KIAA1755: variants seen among roughly 807,000 people sequenced by gnomAD.
The protein encoded by KIAA1755 is KIAA1755.
In KIAA1755, 68 loss-of-function variants were observed where a neutral mutation model predicts 91.7. The ratio of observed to expected loss-of-function variants is 0.74; its 90% CI spans 0.61 to 0.91. The LOEUF is 0.91. KIAA1755 is among the 40% of genes least tolerant of loss of function. KIAA1755 has a pLI of 0.00. For synonymous variants in KIAA1755, 610 were observed against 604.6 expected, an observed-to-expected ratio of 1.01 and a Z score of -0.13; for missense variants, 1,535 against 1,494.4, an observed-to-expected ratio of 1.03 and a Z score of -0.45.
intron 9 of KIAA1755, chr20:38,222,839 T>G: frequency 1.7e-6 from 1 of 589,316 alleles, no homozygotes; most frequent in East Asian, 2.9e-5. Flanking sequence ...TCTTCGCTGA[T>G]CTCCCTGCTG....
intron 7 of KIAA1755, among the ~76,000 whole-genome samples, 169 bp from the exon 8 acceptor site, chr20:38,225,950 A>G (rs2075750036): frequency 6.6e-6 from 1 of 152,228 alleles, no homozygotes; most frequent in Non-Finnish European, 1.5e-5. Context: ...AACTCTGACA[A>G]ATCAAAATTC....
intron 10 of KIAA1755, among the ~76,000 whole-genome samples, chr20:38,222,193 A>C (rs142765579): frequency 6.6e-6 from 1 of 152,354 alleles, no homozygotes; most frequent in East Asian, 1.9e-4. Context: ...GGTAGGCGAC[A>C]TCCTCTGATG....
At chr20:38,238,066 C>T (rs942761661) in intron 4 of KIAA1755, among the ~76,000 whole-genome samples, 3 of 152,070 alleles carry the variant, frequency 2.0e-5, no homozygotes, top group Non-Finnish European at 2.9e-5. Context: ...TATTCTCCTC[C>T]TCTCAAGGAG....
intron 4 of KIAA1755, among the ~76,000 whole-genome samples, chr20:38,234,849 C>A (rs946394027): frequency 6.6e-6 from 1 of 152,200 alleles, no homozygotes; most frequent in Non-Finnish European, 1.5e-5. Flanking sequence ...CAAGGAGACC[C>A]TTTTGCCCCA....
intron 11 of KIAA1755, 64 bp downstream of exon 11, chr20:38,219,566 G>A (rs931485585): frequency 8.2e-6 from 13 of 1,593,562 alleles, no homozygotes; most frequent in Admixed American, 3.4e-5. Context: ...GCCCAGAGTC[G>A]GGGCTTTCCT....
At chr20:38,252,246 T>G (rs1159945102) in intron 1 of KIAA1755, among the ~76,000 whole-genome samples, 1 of 152,160 alleles carries the variant, frequency 6.6e-6, no homozygotes, top group Non-Finnish European at 1.5e-5. Context: ...TTGCTATTCA[T>G]TCTTACTTAT....
At chr20:38,218,117 G>A in intron 12 of KIAA1755, 127 bp downstream of exon 12, 1 of 1,231,118 alleles carries the variant, frequency 8.1e-7, no homozygotes, top group South Asian at 1.4e-5. Flanking sequence ...ATCCAAGCTG[G>A]TTCCCTCACT....
chr20:38,253,564 A>C (rs1008892468), intron 1 of KIAA1755, among the ~76,000 whole-genome samples: 1 of 152,170 alleles, frequency 6.6e-6, no homozygotes, highest in Admixed American at 6.5e-5. Flanking sequence ...TTTTTAAAGA[A>C]AACAGTGTCA....
At chr20:38,218,537 G>T (rs1600568133) in intron 11 of KIAA1755, among the ~76,000 whole-genome samples, 171 bp from the exon 12 acceptor site, 1 of 152,248 alleles carries the variant, frequency 6.6e-6, no homozygotes, top group East Asian at 1.9e-4. Flanking sequence ...GGGAAGAAAT[G>T]ACTTGGGGAG....
rs369865377 is a variant in KIAA1755 at position 38,219,639 on chromosome 20, G to C, written c.2547C>G (p.Ala849=). 2 of 1,614,052 alleles carry C rather than the reference G, an allele frequency of 1.2e-6. No homozygotes were observed. The highest frequency in any genetic ancestry group is 2.7e-5 in the African/African-American group (2 of 75,052). ...LRVRLGRLEA[A]IHQVSDWMEQ... The stretch of plus-strand genomic sequence containing the variant: ...CAGACACCCCTTTCACCTGGTGAAT[G>C]GCAGCTTCCAGGCGGCCCAGGCGGA... The change falls in exon 11 of 14, where the codon GCC becomes GCG. Residue 849 remains alanine (A), a synonymous_variant. Coordinates refer to ENST00000279024, the MANE Select transcript of KIAA1755 (RefSeq NM_001029864.2).
intron 2 of KIAA1755, among the ~76,000 whole-genome samples, chr20:38,245,134 C>T (rs2076133526): frequency 6.6e-6 from 1 of 152,210 alleles, no homozygotes; most frequent in South Asian, 2.1e-4. Context: ...GTGATTGGTC[C>T]AGGAATGGGC....
chr20:38,231,568 G>T (rs1296692200), intron 4 of KIAA1755, among the ~76,000 whole-genome samples: 1 of 152,172 alleles, frequency 6.6e-6, no homozygotes, highest in Non-Finnish European at 1.5e-5. Flanking sequence ...TAAGATACGT[G>T]GGCAGGCAAA....
At chr20:38,221,590 G>A (rs2075660134) in intron 10 of KIAA1755, among the ~76,000 whole-genome samples, 1 of 152,016 alleles carries the variant, frequency 6.6e-6, no homozygotes, top group Non-Finnish European at 1.5e-5. Context: ...TGAGCCTCAG[G>A]TTCCTCCACT....
intron 4 of KIAA1755, among the ~76,000 whole-genome samples, chr20:38,238,535 A>T (rs2075998179): frequency 6.6e-6 from 1 of 152,156 alleles, no homozygotes; most frequent in African/African-American, 2.4e-5. Context: ...TCCTCCGGGA[A>T]GTCATCCTTG....
At chr20:38,231,365 G>C (rs201866950) in intron 4 of KIAA1755, 40 bp from the exon 5 acceptor site, 2 of 1,568,278 alleles carry the variant, frequency 1.3e-6, no homozygotes, top group East Asian at 2.3e-5. Flanking sequence ...GAGAACTTGT[G>C]GGGGGCCCTC....
At chr20:38,228,286 A>G in intron 5 of KIAA1755, 46 bp from the exon 6 acceptor site, 1 of 1,488,486 alleles carries the variant, frequency 6.7e-7, no homozygotes. Context: ...ATGGCCTCGG[A>G]CAGGGGGCAG....
intron 4 of KIAA1755, among the ~76,000 whole-genome samples, chr20:38,239,059 G>A (rs1234971254): frequency 6.6e-6 from 1 of 152,188 alleles, no homozygotes; most frequent in Non-Finnish European, 1.5e-5. Flanking sequence ...TGACAGACAA[G>A]GCTTATAAAA....
chr20:38,246,208 A>G (rs2076158105), intron 1 of KIAA1755, 82 bp from the exon 2 acceptor site: 1 of 1,160,260 alleles, frequency 8.6e-7, no homozygotes, highest in Non-Finnish European at 1.2e-6. Context: ...CAGGCCCCAT[A>G]TGCCTAAGGC....
chr20:38,220,712 G>T (rs75334791), intron 10 of KIAA1755, among the ~76,000 whole-genome samples: 12 of 152,206 alleles, frequency 7.9e-5, no homozygotes, highest in Non-Finnish European at 1.5e-4. Context: ...ACAGTGCCCA[G>T]CGCACGATGT....
Sources: allele counts gnomAD v4.1 joint callset (sites outside exome capture counted in the v4.1 genomes callset), GRCh38; gene constraint gnomAD v4.1.1; transcripts MANE v1.5; gene names NCBI Gene and HGNC (gene_info 2026-07-23, HGNC 2026-07-21).